Variants in SMARCAD1 observed in about 807,000 individuals in gnomAD.
SMARCAD1 encodes the protein SWI/SNF-related matrix-associated actin-dependent regulator of chromatin subfamily A containing DEAD/H box 1.
SMARCAD1 carries 25 observed loss-of-function variants against 127.1 expected under a neutral mutation model. That is an observed-to-expected ratio of 0.20 (90% CI 0.14 to 0.27). The LOEUF (loss-of-function observed/expected upper bound fraction) is 0.27, where lower values mean the gene tolerates loss of function less well. Among genes scored for constraint, SMARCAD1 ranks in the 10% least tolerant of loss-of-function variants. SMARCAD1 has a pLI of 1.00. For synonymous variants in SMARCAD1, 400 were observed against 396.9 expected, an observed-to-expected ratio of 1.01 and a Z score of -0.09; for missense variants, 807 against 1,206.0, an observed-to-expected ratio of 0.67 and a Z score of 4.90.
chr4:94,245,161 A>G lies in SMARCAD1; in HGVS notation c.705+4155A>G, dbSNP rs561118470. Among the ~76,000 whole-genome samples, 4 of 152,350 alleles carry G rather than the reference A, an allele frequency of 2.6e-5. No individual in the cohort carries two copies. In the South Asian group the frequency reaches 8.3e-4, roughly 32 times the overall value. The stretch of plus-strand genomic sequence containing the variant: ...AAAACAAGCTATATTGATCTAAGAA[A>G]AACAGTTTGGACTCGGAGCAGTCAA... On this transcript the variant is annotated intron_variant, in intron 6 of 23. Coordinates refer to ENST00000354268, the MANE Select transcript of SMARCAD1 (RefSeq NM_020159.5).
chr4:94,218,450 G>A (rs1462990818), intron 2 of SMARCAD1, among the ~76,000 whole-genome samples: 2 of 151,680 alleles, frequency 1.3e-5, no homozygotes, highest in Non-Finnish European at 2.9e-5. Flanking sequence ...GCATCACGAC[G>A]CCCAGCTAAT....
intron 2 of SMARCAD1, among the ~76,000 whole-genome samples, chr4:94,211,236 C>T (rs956978669): frequency 1.3e-5 from 2 of 152,158 alleles, no homozygotes; most frequent in Non-Finnish European, 2.9e-5. Context: ...TGTGCCATTG[C>T]ACTCCAGCCT....
At position 94,282,106 on chromosome 4, in the gene SMARCAD1, T is replaced by TG. The variant is rs1472840569; in HGVS notation, c.2726+516_2726+517insG. On this transcript the variant is annotated intron_variant, in intron 21 of 23. Transcript: ENST00000354268. ...CATGCAAATACGTTTTTTTGTTTTT[T>TG]TTTTTTTTTTTGAGACGGAGTCTCG... Among the ~76,000 whole-genome samples, 56 of 92,664 alleles carry TG rather than the reference T, an allele frequency of 6.0e-4. 1 individual carries two copies. The highest frequency in any genetic ancestry group is 1.0e-3 in the Non-Finnish European group (44 of 43,738). The allele number at this position is 92,664 out of a possible 152,430, so 60.8% of individuals were successfully genotyped here.
intron 9 of SMARCAD1, among the ~76,000 whole-genome samples, chr4:94,263,481 G>C (rs1260170904): frequency 6.6e-6 from 1 of 151,922 alleles, no homozygotes; most frequent in Admixed American, 6.6e-5. Context: ...AATAAACTTA[G>C]TATTTAACAG....
At chr4:94,208,724 G>A (rs1741674520) in intron 2 of SMARCAD1, 140 bp downstream of exon 2, 2 of 828,600 alleles carry the variant, frequency 2.4e-6, no homozygotes, top group South Asian at 1.6e-5. Context: ...ATACAGCTTT[G>A]GGACTGCCAT....
intron 11 of SMARCAD1, among the ~76,000 whole-genome samples, chr4:94,272,987 G>A (rs1752761865): frequency 6.6e-6 from 1 of 151,376 alleles, no homozygotes; most frequent in African/African-American, 2.4e-5. Flanking sequence ...TTGTATTTTT[G>A]TAGAGATGGA....
chr4:94,288,323 A>T (rs1229265851), intron 23 of SMARCAD1, among the ~76,000 whole-genome samples: 2 of 152,084 alleles, frequency 1.3e-5, no homozygotes, highest in Non-Finnish European at 2.9e-5. Flanking sequence ...ACAGCATTTT[A>T]TTGTATTCTG....
intron 7 of SMARCAD1, among the ~76,000 whole-genome samples, chr4:94,250,158 C>T (rs956180365): frequency 6.6e-6 from 1 of 151,686 alleles, no homozygotes; most frequent in African/African-American, 2.4e-5. Context: ...AAGCTTTCTA[C>T]TACTTCCCAG....
At chr4:94,276,057 A>G (rs1753259484) in intron 14 of SMARCAD1, among the ~76,000 whole-genome samples, 1 of 152,194 alleles carries the variant, frequency 6.6e-6, no homozygotes, top group South Asian at 2.1e-4. Flanking sequence ...TCGGCCTCCA[A>G]AAGTGCTGGG....
intron 6 of SMARCAD1, chr4:94,248,596 A>G (rs974160424): frequency 2.2e-6 from 1 of 453,978 alleles, no homozygotes; most frequent in Admixed American, 2.4e-5. Context: ...GTTGCTTCTT[A>G]AAAAAGACTA....
chr4:94,243,590 T>G (rs1049868737), intron 6 of SMARCAD1, among the ~76,000 whole-genome samples: 1 of 152,208 alleles, frequency 6.6e-6, no homozygotes, highest in Non-Finnish European at 1.5e-5. Context: ...TTTTAAAATG[T>G]GAATTTATTC....
rs1173611905 is a variant in SMARCAD1, at chr4:94,236,942, G to A, written c.538-10G>A. 10 of 1,608,974 alleles carry A rather than the reference G, an allele frequency of 6.2e-6. No individual in the cohort carries two copies. The highest frequency in any genetic ancestry group is 4.5e-5 in the East Asian group (2 of 44,772). ...TGATTTAAAACATTAATCTTTTCTCGTTCTGTTAGTTGATTGAATCAACAA... is the reference window on the plus strand; with the variant it reads ...TGATTTAAAACATTAATCTTTTCTCATTCTGTTAGTTGATTGAATCAACAA... On this transcript the variant is annotated splice_polypyrimidine_tract_variant and intron_variant, in intron 4 of 23. Transcript: ENST00000354268.
At chr4:94,284,350 A>AAG (rs1333707917) in intron 22 of SMARCAD1, among the ~76,000 whole-genome samples, 7 of 100,370 alleles carry the variant, frequency 7.0e-5, no homozygotes, top group African/African-American at 1.8e-4. Flanking sequence ...AAAAAAAAAA[A>AAG]AAAGAAAAAA....
At chr4:94,263,693 T>C (rs1389207070) in intron 9 of SMARCAD1, among the ~76,000 whole-genome samples, 1 of 152,030 alleles carries the variant, frequency 6.6e-6, no homozygotes, top group African/African-American at 2.4e-5. Flanking sequence ...TTAGAGTTGT[T>C]AATGTGATTC....
At chr4:94,279,189 G>C in intron 19 of SMARCAD1, 139 bp downstream of exon 19, 6 of 1,101,908 alleles carry the variant, frequency 5.4e-6, no homozygotes, top group Non-Finnish European at 7.8e-6. Context: ...GACCAGGTCT[G>C]GTTCTGTTGC....
intron 6 of SMARCAD1, among the ~76,000 whole-genome samples, chr4:94,247,608 C>T (rs976494512): frequency 4.6e-5 from 7 of 152,068 alleles, no homozygotes; most frequent in African/African-American, 1.7e-4. Context: ...TGTTGTATAC[C>T]ATCATTCCTG....
intron 5 of SMARCAD1, among the ~76,000 whole-genome samples, chr4:94,240,019 TG>T (rs1389046043): frequency 6.6e-6 from 1 of 152,238 alleles, no homozygotes; most frequent in African/African-American, 2.4e-5. Context: ...TGCTTTAAAA[TG>T]TTAATAACAT....
At chr4:94,270,950 C>G in intron 11 of SMARCAD1, 132 bp downstream of exon 11, 1 of 721,694 alleles carries the variant, frequency 1.4e-6, no homozygotes, top group Non-Finnish European at 2.5e-6. Flanking sequence ...TATATTTTAT[C>G]TCATCTTTGT....
intron 2 of SMARCAD1, among the ~76,000 whole-genome samples, chr4:94,209,968 G>A (rs1257088698): frequency 3.3e-5 from 5 of 152,304 alleles, no homozygotes; most frequent in South Asian, 2.1e-4. Context: ...TTAAATGTGG[G>A]ACATTAGACA....
Sources: allele counts gnomAD v4.1 joint callset (sites outside exome capture counted in the v4.1 genomes callset), GRCh38; gene constraint gnomAD v4.1.1; transcripts MANE v1.5; gene names NCBI Gene and HGNC (gene_info 2026-07-23, HGNC 2026-07-21).